MPHOSPH9: variants seen among roughly 807,000 people sequenced by gnomAD.
The protein encoded by MPHOSPH9 is M-phase phosphoprotein 9.
MPHOSPH9 carries 88 observed loss-of-function variants against 145.5 expected under a neutral mutation model. That is an observed-to-expected ratio of 0.60 (90% confidence interval 0.51 to 0.72). MPHOSPH9 has a LOEUF of 0.72. Among genes scored for constraint, MPHOSPH9 ranks in the 30% least tolerant of loss-of-function variants. The pLI is 0.00. For synonymous variants in MPHOSPH9, 435 were observed against 486.2 expected, an observed-to-expected ratio of 0.89 and a Z score of 1.39; for missense variants, 1,238 against 1,386.6, an observed-to-expected ratio of 0.89 and a Z score of 1.70.
chr12:123,207,108 CTCTT>C lies in MPHOSPH9; in HGVS notation c.1194+2944_1194+2947del, dbSNP rs1593190235. 2.2e-5 allele frequency among the ~76,000 whole-genome samples: 3 copies of C among 138,296 alleles called. No homozygotes were observed. The East Asian group carries it at 6.5e-4, about 30-fold the overall frequency. 90.7% of individuals were successfully genotyped at this position (138,296 alleles called of 152,430 possible). A position where few individuals can be genotyped will look rare whatever the true frequency, so the allele number is the denominator to read the frequency against. On this transcript the variant is annotated intron_variant, in intron 8 of 23. Transcript: ENST00000606320. ...TAAAACCTATGTTTAAGTCTAAAGA[CTCTT>C]TCCATAAGAATAAAATATAAATTCT...
intron 16 of MPHOSPH9, among the ~76,000 whole-genome samples, chr12:123,175,472 C>A (rs559108374): frequency 6.6e-6 from 1 of 152,052 alleles, no homozygotes; most frequent in Admixed American, 6.6e-5. Flanking sequence ...CTCTTGATCA[C>A]GGCTTAGAAA....
intron 8 of MPHOSPH9, among the ~76,000 whole-genome samples, chr12:123,207,856 GAA>G (rs879541250): frequency 6.9e-5 from 3 of 43,460 alleles, no homozygotes; most frequent in African/African-American, 8.9e-5. Context: ...CCGCCTCAAA[GAA>G]AAAAAAAAAA....
chr12:123,163,442 C>A, intron 19 of MPHOSPH9: 1 of 252,616 alleles, frequency 4.0e-6, no homozygotes, highest in South Asian at 1.1e-4. Flanking sequence ...ATTCCTATAA[C>A]ACAATAATAA....
At chr12:123,177,271 C>T (rs1288867458) in intron 15 of MPHOSPH9, among the ~76,000 whole-genome samples, 1 of 152,100 alleles carries the variant, frequency 6.6e-6, no homozygotes, top group East Asian at 1.9e-4. Flanking sequence ...CAGTGGCTCA[C>T]GCCTGTAATC....
At chr12:123,166,598 G>C (rs1357136675) in intron 17 of MPHOSPH9, 57 bp downstream of exon 17, 1 of 1,579,534 alleles carries the variant, frequency 6.3e-7, no homozygotes, top group African/African-American at 1.4e-5. Flanking sequence ...AAAAGCAATT[G>C]AAATCTCTAA....
chr12:123,161,449 A>T, intron 21 of MPHOSPH9, 66 bp from the exon 22 acceptor site: 1 of 1,549,454 alleles, frequency 6.5e-7, no homozygotes, highest in Non-Finnish European at 8.8e-7. Context: ...CATATATATT[A>T]AATATGTTGC....
downstream of MPHOSPH9, chr12:123,152,870 T>A (rs888731208): frequency 5.9e-6 from 1 of 168,446 alleles, no homozygotes; most frequent in African/African-American, 2.4e-5. Flanking sequence ...TGTGCATTTA[T>A]TTTTTAAAGC....
intron 13 of MPHOSPH9, among the ~76,000 whole-genome samples, chr12:123,190,449 C>T (rs1051035435): frequency 3.3e-5 from 5 of 151,978 alleles, no homozygotes; most frequent in African/African-American, 4.8e-5. Flanking sequence ...CACACCCGGC[C>T]GGAGTATTTT....
chr12:123,219,960 AT>A (rs1471355604), intron 5 of MPHOSPH9, among the ~76,000 whole-genome samples: 5 of 152,134 alleles, frequency 3.3e-5, no homozygotes, highest in Non-Finnish European at 7.3e-5. Context: ...AGGTGGGCAT[AT>A]GTTGTAAGAC....
chr12:123,242,352 G>C (rs2047953190), intron 1 of MPHOSPH9, among the ~76,000 whole-genome samples: 1 of 152,144 alleles, frequency 6.6e-6, no homozygotes, highest in Non-Finnish European at 1.5e-5. Flanking sequence ...CCTCTTACTA[G>C]CACTTCTCTG....
At chr12:123,172,262 G>A (rs2682427) in intron 16 of MPHOSPH9, among the ~76,000 whole-genome samples, 47,847 of 152,002 alleles carry the variant, frequency 0.31, 9,713 homozygotes, top group East Asian at 0.69. Context: ...TAGATGCTAT[G>A]TAAGTGAATA....
At chr12:123,156,969 C>T in intron 23 of MPHOSPH9, 61 bp from the exon 24 acceptor site, 1 of 1,244,228 alleles carries the variant, frequency 8.0e-7, no homozygotes, top group South Asian at 1.4e-5. Flanking sequence ...ATAATCACCA[C>T]CAAACTGACC....
chr12:123,208,331 GA>G (rs751465639), intron 8 of MPHOSPH9, among the ~76,000 whole-genome samples: 7 of 151,740 alleles, frequency 4.6e-5, no homozygotes, highest in Non-Finnish European at 8.8e-5. Context: ...GAGGTCAAGA[GA>G]TCGAGACCAT....
intron 4 of MPHOSPH9, among the ~76,000 whole-genome samples, chr12:123,222,149 A>G (rs1378799574): frequency 6.6e-6 from 1 of 151,446 alleles, no homozygotes; most frequent in African/African-American, 2.4e-5. Flanking sequence ...CTTGGCCAAC[A>G]CGGTGAAACT....
chr12:123,194,326 A>G (rs2045847817), intron 13 of MPHOSPH9, 60 bp downstream of exon 13: 2 of 977,330 alleles, frequency 2.0e-6, no homozygotes, highest in South Asian at 1.7e-5. Flanking sequence ...TTGTAAGAGT[A>G]TAATACCTAA....
At chr12:123,177,195 G>A (rs2044915139) in intron 15 of MPHOSPH9, among the ~76,000 whole-genome samples, 1 of 151,660 alleles carries the variant, frequency 6.6e-6, no homozygotes, top group African/African-American at 2.4e-5. Flanking sequence ...AAAAAGAGTT[G>A]CAAGTCCATA....
intron 1 of MPHOSPH9, among the ~76,000 whole-genome samples, chr12:123,243,621 C>T (rs1313960230): frequency 1.3e-5 from 2 of 152,046 alleles, no homozygotes; most frequent in East Asian, 1.9e-4. Flanking sequence ...AGGAGAATCA[C>T]TTGAACCCAG....
chr12:123,179,940 A>T lies in MPHOSPH9; in HGVS notation c.2340T>A (p.Ile780=). ...ATACATTTTACCTTTTCAAATCAGA[A>T]ATCTGAGTATATGCATCAAGCAATT... is the stretch of plus-strand genomic sequence containing the variant. ...ENKLLDAYTQ[I]SDLKRMISKL... is the part of the protein sequence containing the mutation. Residue 780 remains isoleucine (I), a synonymous_variant, in exon 15 of 24, where the codon ATT becomes ATA. Transcript: ENST00000606320. 6.9e-7 allele frequency: 1 copy of T among 1,445,756 alleles called. No homozygotes were observed. The highest frequency in any genetic ancestry group is 1.3e-5 in the South Asian group (1 of 75,698). 89.6% of individuals were successfully genotyped at this position (1,445,756 alleles called of 1,614,324 possible). A position where few individuals can be genotyped will look rare whatever the true frequency, so the allele number is the denominator to read the frequency against.
intron 12 of MPHOSPH9, 117 bp downstream of exon 12, chr12:123,198,130 A>G (rs1044870940): frequency 2.6e-6 from 2 of 771,360 alleles, no homozygotes; most frequent in Non-Finnish European, 4.3e-6. Flanking sequence ...TGAAGCCAAC[A>G]GCACTAAAAA....
Sources: allele counts gnomAD v4.1 joint callset (sites outside exome capture counted in the v4.1 genomes callset), GRCh38; gene constraint gnomAD v4.1.1; transcripts MANE v1.5; gene names NCBI Gene and HGNC (gene_info 2026-07-23, HGNC 2026-07-21).